ADAMTS14: variants seen among roughly 807,000 people sequenced by gnomAD.
The protein encoded by ADAMTS14 is A disintegrin and metalloproteinase with thrombospondin motifs 14.
In ADAMTS14, 100 loss-of-function variants were observed where a neutral mutation model predicts 128.6. That is an observed-to-expected ratio of 0.78 (90% confidence interval 0.66 to 0.92). ADAMTS14 has a LOEUF of 0.92. Among genes scored for constraint, ADAMTS14 ranks in the 40% least tolerant of loss-of-function variants. The probability of loss-of-function intolerance (pLI) is 0.00; values close to 1 mark genes in which losing one functional copy is unlikely to be tolerated. For missense variants in ADAMTS14, 1,562 were observed against 1,658.6 expected (o/e 0.94, Z 1.01); for synonymous variants, 665 against 653.8 (o/e 1.02, Z -0.26).
chr10:70,721,019 C>CTTTTTTTTTTTT (rs56656736), intron 4 of ADAMTS14, among the ~76,000 whole-genome samples: 4 of 84,336 alleles, frequency 4.7e-5, no homozygotes, highest in African/African-American at 4.9e-5. Flanking sequence ...TCTCTTTTTT[C>CTTTTTTTTTTTT]TTTTTTTTTT....
At chr10:70,757,934 A>G (rs1209744233) in intron 19 of ADAMTS14, 28 bp from the exon 20 acceptor site, 3 of 1,572,694 alleles carry the variant, frequency 1.9e-6, no homozygotes, top group Non-Finnish European at 2.6e-6. Flanking sequence ...CCCGGCCGCT[A>G]TGCCTGGCAC....
chr10:70,701,770 A>G (rs1434253526), intron 2 of ADAMTS14, among the ~76,000 whole-genome samples: 1 of 151,962 alleles, frequency 6.6e-6, no homozygotes, highest in African/African-American at 2.4e-5. Flanking sequence ...CCGGCCTCCA[A>G]CCCCCATCCT....
intron 21 of ADAMTS14, 82 bp downstream of exon 21, chr10:70,758,367 C>A: frequency 7.9e-7 from 1 of 1,259,356 alleles, no homozygotes; most frequent in East Asian, 2.5e-5. Flanking sequence ...CTCAGTGGAG[C>A]AAACCCAGCT....
At position 70,688,902 on chromosome 10, in the gene ADAMTS14, GGAGA is replaced by G. The variant is rs1491164071; in HGVS notation, c.523-13408_523-13405del. Among the ~76,000 whole-genome samples, 8 of 71,758 alleles carry G rather than the reference GGAGA, an allele frequency of 1.1e-4. 3 individuals carry two copies. Among genetic ancestry groups the G allele is most frequent in the African/African-American group, 4.0e-4 (6 of 15,026 alleles). 47.1% of individuals were successfully genotyped at this position (71,758 alleles called of 152,430 possible). ...GGGGGAGGGGGAGGGGGAGGGAGAG[GGAGA>G]GCCTTTGCTTTTAAGCCAGCCACAT... On this transcript the variant is annotated intron_variant, in intron 2 of 21. Transcript: ENST00000373207.
chr10:70,736,818 G>A, intron 10 of ADAMTS14, 25 bp downstream of exon 10: 2 of 1,606,124 alleles, frequency 1.2e-6, no homozygotes, highest in Non-Finnish European at 1.7e-6. Flanking sequence ...TGCAGCAGGA[G>A]TGGCCTTCCT....
chr10:70,687,951 C>T (rs1377392993), intron 2 of ADAMTS14, among the ~76,000 whole-genome samples: 2 of 66,428 alleles, frequency 3.0e-5, no homozygotes, highest in African/African-American at 1.2e-4. Context: ...GGCGGCTGGC[C>T]GGGCGGGGGG....
chr10:70,682,000 C>T (rs977785317), intron 2 of ADAMTS14, among the ~76,000 whole-genome samples: 23 of 152,260 alleles, frequency 1.5e-4, no homozygotes, highest in African/African-American at 5.1e-4. Flanking sequence ...CTGCTCTCGC[C>T]TCACTTTTCA....
intron 3 of ADAMTS14, among the ~76,000 whole-genome samples, chr10:70,707,738 T>C (rs1840710349): frequency 6.6e-6 from 1 of 152,206 alleles, no homozygotes; most frequent in Admixed American, 6.5e-5. Flanking sequence ...ATAGAGTTGT[T>C]GTAAAGATTA....
intron 4 of ADAMTS14, among the ~76,000 whole-genome samples, chr10:70,721,577 C>T (rs902022262): frequency 2.6e-5 from 4 of 151,978 alleles, no homozygotes; most frequent in South Asian, 2.1e-4. Flanking sequence ...TTAGTAGAGA[C>T]GGGGTTTCAC....
At chr10:70,702,222 T>A (rs1315066351) in intron 2 of ADAMTS14, 90 bp from the exon 3 acceptor site, 1 of 1,563,348 alleles carries the variant, frequency 6.4e-7, no homozygotes, top group Non-Finnish European at 8.7e-7. Flanking sequence ...GGGTCACATA[T>A]GTGCATTCAC....
intron 4 of ADAMTS14, among the ~76,000 whole-genome samples, chr10:70,718,849 C>T (rs1023234327): frequency 2.6e-5 from 4 of 151,838 alleles, no homozygotes; most frequent in East Asian, 1.9e-4. Flanking sequence ...TAATTTTCTT[C>T]TTCTTCTTCT....
chr10:70,712,047 GAGAA>G (rs1840878600), intron 4 of ADAMTS14, among the ~76,000 whole-genome samples: 1 of 151,700 alleles, frequency 6.6e-6, no homozygotes, highest in South Asian at 2.1e-4. Context: ...GGAGTTGTTT[GAGAA>G]AGAGAGAGGG....
chr10:70,676,313 C>G (rs1304047708), intron 2 of ADAMTS14, among the ~76,000 whole-genome samples: 1 of 152,274 alleles, frequency 6.6e-6, no homozygotes, highest in East Asian at 1.9e-4. Flanking sequence ...TTTCCTCATG[C>G]AATTTTAATA....
At chr10:70,724,694 G>A (rs1841372375) in intron 4 of ADAMTS14, among the ~76,000 whole-genome samples, 1 of 152,246 alleles carries the variant, frequency 6.6e-6, no homozygotes, top group Non-Finnish European at 1.5e-5. Context: ...CTACTCAAGG[G>A]CTGGGGATGG....
chr10:70,675,513 G>C (rs562314238), intron 2 of ADAMTS14, among the ~76,000 whole-genome samples: 75 of 152,296 alleles, frequency 4.9e-4, no homozygotes, highest in Admixed American at 2.5e-3. Flanking sequence ...CGTGGGCACA[G>C]TTAGCGGCTG....
At chr10:70,723,840 C>G (rs1841347355) in intron 4 of ADAMTS14, among the ~76,000 whole-genome samples, 1 of 152,182 alleles carries the variant, frequency 6.6e-6, no homozygotes, top group African/African-American at 2.4e-5. Context: ...CCCCAGCCAC[C>G]CTGCCACAGA....
Position 70,708,670 on chromosome 10 carries a change from C to A in ADAMTS14, c.762C>A (p.Ala254=). 2 of 1,613,476 alleles carry A rather than the reference C, an allele frequency of 1.2e-6. No homozygotes were observed. Among genetic ancestry groups the A allele is most frequent in the Non-Finnish European group, 1.7e-6 (2 of 1,179,774 alleles). The change falls in exon 4 of 22, where the codon GCC becomes GCA. Residue 254 remains alanine, a synonymous_variant. Coordinates refer to ENST00000373207, the MANE Select transcript of ADAMTS14 (RefSeq NM_080722.4). ...LGDTERKRRH[A]KPGSYSIEVL... is the part of the protein sequence containing the mutation. Reference sequence around the variant, plus strand: ...ACACAGAGCGGAAGCGGCGGCATGCCAAGCCAGGCAGCTACAGCATCGAGG... The same window carrying A: ...ACACAGAGCGGAAGCGGCGGCATGCAAAGCCAGGCAGCTACAGCATCGAGG...
At position 70,760,460 on chromosome 10, in the gene ADAMTS14, C is replaced by T. The variant is rs138776182; in HGVS notation, c.3279C>T (p.Cys1093=). ...ACCACCGGCTCTGCTGTGTGTCCTG[C>T]ATCAAGAAGGCCTCGGGCCCCAACC... ...PGYHRLCCVS[C]IKKASGPNPG... Residue 1093 remains cysteine, a synonymous_variant, in exon 22 of 22, where the codon TGC becomes TGT. Transcript: ENST00000373207. 3.1e-6 allele frequency: 5 copies of T among 1,613,816 alleles called. No homozygotes were observed. The African/African-American group carries it at 6.7e-5, about 22-fold the overall frequency.
At chr10:70,747,489 G>T (rs891771592) in intron 15 of ADAMTS14, among the ~76,000 whole-genome samples, 8 of 152,200 alleles carry the variant, frequency 5.3e-5, no homozygotes, top group Non-Finnish European at 7.4e-5. Flanking sequence ...GGGGAGGGAA[G>T]GGGCAAGGAG....
Sources: gnomAD v4.1 joint callset for allele counts (sites outside exome capture counted in the v4.1 genomes callset) on GRCh38, gnomAD v4.1.1 for gene constraint, MANE v1.5 for transcripts, NCBI Gene and HGNC (gene_info 2026-07-23, HGNC 2026-07-21) for gene names.